Variants in RANBP2 observed in about 807,000 individuals in gnomAD.
RANBP2 encodes RAN binding protein 2, also known as E3 SUMO-protein ligase RanBP2.
A neutral mutation model predicts 303.6 loss-of-function variants in RANBP2; 57 were observed. The observed-to-expected ratio is 0.19, with a 90% confidence interval of 0.15 to 0.23. RANBP2 has a LOEUF of 0.23. Among genes scored for constraint, RANBP2 ranks in the 10% least tolerant of loss-of-function variants. The pLI is 1.00. For missense variants in RANBP2, 3,138 were observed against 3,780.8 expected (o/e 0.83, Z 4.46); for synonymous variants, 1,167 against 1,301.5 (o/e 0.90, Z 2.23).
chr2:109,299,415 TGGC>T, the RANBP2 span, among the ~76,000 whole-genome samples: 13 of 149,760 alleles, frequency 8.7e-5, no homozygotes, highest in Non-Finnish European at 1.8e-4. Context: ...CATCCTTGAG[TGGC>T]CATCCTTAAG....
chr2:108,948,313 C>T, the RANBP2 span, among the ~76,000 whole-genome samples: 4 of 152,242 alleles, frequency 2.6e-5, no homozygotes, highest in Admixed American at 6.5e-5. Flanking sequence ...AAGTTCCAAA[C>T]GTTCCCATGT....
chr2:109,491,060 C>T, the RANBP2 span: 21 of 878,366 alleles, frequency 2.4e-5, no homozygotes, highest in East Asian at 5.1e-4. Flanking sequence ...TGTACCTCAA[C>T]ACCCAGATCC....
the RANBP2 span, among the ~76,000 whole-genome samples, chr2:109,382,410 C>T: frequency 1.3e-5 from 2 of 152,170 alleles, no homozygotes; most frequent in African/African-American, 4.8e-5. Context: ...CTGCGCCCAG[C>T]CCACTGGCCA....
chr2:109,657,714 G>GTGTT, the RANBP2 span, among the ~76,000 whole-genome samples: 1 of 82,230 alleles, frequency 1.2e-5, no homozygotes, highest in Non-Finnish European at 2.2e-5. Flanking sequence ...AATTAGCTGA[G>GTGTT]TTTTTTTTTT....
the RANBP2 span, among the ~76,000 whole-genome samples, chr2:109,049,526 T>C: frequency 1.3e-5 from 2 of 152,164 alleles, no homozygotes; most frequent in Non-Finnish European, 2.9e-5. Flanking sequence ...TTGTGTGTAA[T>C]TGCACCAAGG....
At chr2:109,131,903 G>T in the RANBP2 span, among the ~76,000 whole-genome samples, 2 of 152,152 alleles carry the variant, frequency 1.3e-5, no homozygotes, top group African/African-American at 4.8e-5. Context: ...GTCCCGCATG[G>T]TGTATTCACA....
the RANBP2 span, among the ~76,000 whole-genome samples, chr2:108,897,852 A>G: frequency 6.6e-6 from 1 of 152,238 alleles, no homozygotes; most frequent in Non-Finnish European, 1.5e-5. Flanking sequence ...AGCCCTGGAC[A>G]TTCTGTGTAA....
chr2:109,129,352 TCCCCGCCACGC>T, the RANBP2 span: 1 of 871,220 alleles, frequency 1.1e-6, no homozygotes, highest in Non-Finnish European at 1.8e-6. Flanking sequence ...CGCAGGCCGG[TCCCCGCCACGC>T]AGGCCGGTCG....
chr2:108,772,371 T>C (rs757710273), intron 21 of RANBP2, 118 bp from the exon 22 acceptor site: 2 of 737,132 alleles, frequency 2.7e-6, no homozygotes, highest in Non-Finnish European at 4.7e-6. Flanking sequence ...ATTAAAGATA[T>C]AAAATTGGCT....
At chr2:109,524,303 C>T in the RANBP2 span, among the ~76,000 whole-genome samples, 6 of 151,990 alleles carry the variant, frequency 3.9e-5, no homozygotes, top group Non-Finnish European at 7.4e-5. Flanking sequence ...AGTGGTCACA[C>T]GCTGCCCACT....
At chr2:109,620,416 AT>A in the RANBP2 span, among the ~76,000 whole-genome samples, 1 of 152,118 alleles carries the variant, frequency 6.6e-6, no homozygotes, top group African/African-American at 2.4e-5. Flanking sequence ...TTATAAGAAA[AT>A]TTTGCTGGGC....
At chr2:109,599,299 A>T in the RANBP2 span, among the ~76,000 whole-genome samples, 2 of 152,008 alleles carry the variant, frequency 1.3e-5, no homozygotes, top group Non-Finnish European at 2.9e-5. Context: ...CTCTACTAAA[A>T]ATACAAAAAT....
chr2:109,455,637 C>A, the RANBP2 span, among the ~76,000 whole-genome samples: 1 of 152,190 alleles, frequency 6.6e-6, no homozygotes, highest in Non-Finnish European at 1.5e-5. Flanking sequence ...TTTTGAGTGG[C>A]CAGGCAGCTC....
chr2:109,046,011 A>T, the RANBP2 span, among the ~76,000 whole-genome samples: 1 of 152,190 alleles, frequency 6.6e-6, no homozygotes. Flanking sequence ...TTTATATTTT[A>T]AAAAAATCCA....
rs756850733 is a variant in RANBP2, at chr2:108,765,099, T to C, written c.4560T>C (p.Ser1520=). 3.1e-6 allele frequency: 5 copies of C among 1,614,042 alleles called. No homozygotes were observed. The highest frequency in any genetic ancestry group is 1.7e-5 in the Admixed American group (1 of 59,988). ...CTACTTCTATTCCAACACCTGCCTC[T>C]TTTAAGTTTGGTACTTCAGAGACAA... The part of the protein sequence containing the change: ...LPATSIPTPA[S]FKFGTSETSK... Residue 1520 remains serine, a synonymous_variant, in exon 20 of 29, where the codon TCT becomes TCC. Coordinates refer to ENST00000283195, the MANE Select transcript of RANBP2 (RefSeq NM_006267.5).
the RANBP2 span, among the ~76,000 whole-genome samples, chr2:109,720,599 G>A: frequency 6.6e-6 from 1 of 152,172 alleles, no homozygotes; most frequent in African/African-American, 2.4e-5. Flanking sequence ...CTGAAGTGCA[G>A]GTCTGTAAGA....
chr2:108,851,776 C>G, the RANBP2 span, among the ~76,000 whole-genome samples: 3 of 152,082 alleles, frequency 2.0e-5, no homozygotes, highest in Non-Finnish European at 4.4e-5. Flanking sequence ...GAGACCTTCC[C>G]CTGAGGCCTA....
chr2:109,585,031 A>G, the RANBP2 span: 1 of 593,960 alleles, frequency 1.7e-6, no homozygotes, highest in Non-Finnish European at 2.8e-6. Flanking sequence ...GGTATGGATT[A>G]CCATAGGAGA....
chr2:109,609,894 G>T, the RANBP2 span, among the ~76,000 whole-genome samples: 3 of 152,074 alleles, frequency 2.0e-5, no homozygotes, highest in Non-Finnish European at 4.4e-5. Context: ...GCAGTCAGTG[G>T]ACTGTACTCA....
Sources: gnomAD v4.1 joint callset for allele counts (sites outside exome capture counted in the v4.1 genomes callset) on GRCh38, gnomAD v4.1.1 for gene constraint, MANE v1.5 for transcripts, NCBI Gene and HGNC (gene_info 2026-07-23, HGNC 2026-07-21) for gene names.